The following CFAP46 variants were observed in gnomAD, a reference collection of about 807,000 sequenced individuals.
CFAP46 encodes the protein cilia and flagella associated protein 46.
In CFAP46, 245 loss-of-function variants were observed where a neutral mutation model predicts 325.7. That is an observed-to-expected ratio of 0.75 (90% CI 0.68 to 0.84). CFAP46 has a LOEUF of 0.84. Ranked by LOEUF, CFAP46 falls within the 40% of genes least tolerant of loss-of-function variation. The pLI is 0.00. For missense variants in CFAP46, 3,346 were observed against 3,543.0 expected (o/e 0.94, Z 1.41); for synonymous variants, 1,523 against 1,495.9 (o/e 1.02, Z -0.42).
rs1848458655 is a variant in CFAP46, at chr10:132,847,436, G to A, written c.5953-115C>T. 8 of 1,298,446 alleles carry A rather than the reference G, an allele frequency of 6.2e-6. No homozygotes were observed. Among genetic ancestry groups the A allele is most frequent in the Non-Finnish European group, 7.6e-6 (7 of 923,758 alleles). 80.4% of individuals were successfully genotyped at this position (1,298,446 alleles called of 1,614,324 possible). On this transcript the variant is annotated intron_variant, in intron 41 of 57. Coordinates refer to ENST00000368586, the MANE Select transcript of CFAP46 (RefSeq NM_001200049.3). This position sits in a 1 kb window ranked among gnomAD's most constrained non-coding sequence, Gnocchi z 5.2. ...GGCTCCTCAGCAGGGTCCCCGGGTA[G>A]GGGGTACCGCAGGCCACAGCATGGC...
rs761443917 is a variant in CFAP46, at chr10:132,885,774, C to T, written c.3443+47G>A. 481 of 1,410,692 alleles carry T rather than the reference C, an allele frequency of 3.4e-4. 2 individuals are homozygous for T. In the African/African-American group the frequency reaches 0.011, roughly 31 times the overall value. The allele number at this position is 1,410,692 out of a possible 1,614,324, so 87.4% of individuals were successfully genotyped here. A position where few individuals can be genotyped will look rare whatever the true frequency, so the allele number is the denominator to read the frequency against. On this transcript the variant is annotated intron_variant, in intron 26 of 57. Coordinates refer to ENST00000368586, the MANE Select transcript of CFAP46 (RefSeq NM_001200049.3). Reference sequence around the variant, plus strand: ...GCACTCACAGGCGGTGGGGGGAGCACTCAGGCGGTGGAGGGAGCACTCACA... The same window carrying T: ...GCACTCACAGGCGGTGGGGGGAGCATTCAGGCGGTGGAGGGAGCACTCACA...
At chr10:132,816,561 G>C (rs931021289) in intron 50 of CFAP46, among the ~76,000 whole-genome samples, 2 of 152,078 alleles carry the variant, frequency 1.3e-5, no homozygotes, top group African/African-American at 4.8e-5. Flanking sequence ...TCGATCTCCT[G>C]ACCTTGGGTG....
chr10:132,845,383 C>T (rs978754887), intron 44 of CFAP46, among the ~76,000 whole-genome samples: 1 of 152,196 alleles, frequency 6.6e-6, no homozygotes, highest in Non-Finnish European at 1.5e-5. Context: ...GTGCTCCTGT[C>T]AGCCAGTGGC....
intron 2 of CFAP46, 75 bp from the exon 3 acceptor site, chr10:132,941,797 G>A (rs1279980208): frequency 1.1e-5 from 17 of 1,588,676 alleles, no homozygotes; most frequent in Non-Finnish European, 1.4e-5. Flanking sequence ...CCACGGGCCC[G>A]CTTTCAGAAC....
At chr10:132,814,333 G>A in intron 53 of CFAP46, 79 bp from the exon 54 acceptor site, 2 of 1,255,358 alleles carry the variant, frequency 1.6e-6, no homozygotes, top group South Asian at 1.3e-5. Flanking sequence ...CCTGGGGAGG[G>A]GTCACAGCGA....
rs1847574332 is a variant in CFAP46, at chr10:132,811,151, A to G, written c.7502-120T>C. On this transcript the variant is annotated intron_variant, in intron 55 of 57. Transcript: ENST00000368586. The stretch of plus-strand genomic sequence containing the variant: ...GCAGGGCATGGCACGCTGGCCACTC[A>G]GCTCCGGGCTCCGACCTCATGACCG... The G allele has an allele frequency of 6.0e-6, 5 of 836,216 alleles. No homozygotes were observed. The Admixed American group carries it at 6.5e-5, about 11-fold the overall frequency. 51.8% of individuals were successfully genotyped at this position (836,216 alleles called of 1,614,324 possible).
chr10:132,812,962 T>A (rs972326891), intron 54 of CFAP46, 65 bp from the exon 55 acceptor site: 13 of 1,315,518 alleles, frequency 9.9e-6, no homozygotes, highest in Non-Finnish European at 1.4e-5. Context: ...CACCGTGCGT[T>A]CTTAAAGCAG....
At chr10:132,863,073 C>T (rs572681034) in intron 35 of CFAP46, among the ~76,000 whole-genome samples, 2 of 152,140 alleles carry the variant, frequency 1.3e-5, no homozygotes, top group Non-Finnish European at 2.9e-5. Flanking sequence ...AACCCACGTT[C>T]GCGGGAGTCC....
chr10:132,891,498 T>C (rs1209372945), intron 25 of CFAP46, among the ~76,000 whole-genome samples: 2 of 152,234 alleles, frequency 1.3e-5, no homozygotes, highest in Non-Finnish European at 2.9e-5. Context: ...GCATGACAGA[T>C]AGCAGGCCTG....
At position 132,885,898 on chromosome 10, in the gene CFAP46, G is replaced by A. The variant is rs760639471; in HGVS notation, c.3366C>T (p.Ala1122=). ...ALYGLLFHSH[A]DQDDWEGGLK... ...GGCCGCCCTCCCAGTCGTCCTGGTC[G>A]GCATGGCTGTGGAAGAGCAGGCCGT... is the stretch of plus-strand genomic sequence containing the variant. The change falls in exon 26 of 58, where the codon GCC becomes GCT. Residue 1122 remains alanine, a synonymous_variant. Transcript: ENST00000368586. 1.9e-5 allele frequency: 30 copies of A among 1,550,082 alleles called. No individual in the cohort carries two copies. The highest frequency in any genetic ancestry group is 2.4e-5 in the East Asian group (1 of 40,918).
At position 132,891,266 on chromosome 10, in the gene CFAP46, C is replaced by A. The variant is rs147877334; in HGVS notation, c.3304+1067G>T. On this transcript the variant is annotated intron_variant, in intron 25 of 57. Transcript: ENST00000368586. ...AGCCCCCCAACCGACTGAATGGGCC[C>A]TCCTCTCGGCCAAGGGCCTTCTGAA... 1.9e-4 allele frequency among the ~76,000 whole-genome samples: 29 copies of A among 152,344 alleles called. No individual in the cohort carries two copies. The South Asian group carries it at 6.0e-3, about 32-fold the overall frequency.
rs892958571 is a variant in CFAP46, at chr10:132,827,332, C to T, written c.7117+6026G>A. On this transcript the variant is annotated intron_variant, in intron 50 of 57. Transcript: ENST00000368586. The surrounding 1 kb of genome is among the most constrained non-coding windows in gnomAD (Gnocchi z 5.7). Reference sequence around the variant, plus strand: ...GACGGAGAACAGCTATAAGCTGCCACGCCGACTGCTGTGGGAGCTCCTGGG... The same window carrying T: ...GACGGAGAACAGCTATAAGCTGCCATGCCGACTGCTGTGGGAGCTCCTGGG... Among the ~76,000 whole-genome samples, 9 of 152,142 alleles carry T rather than the reference C, an allele frequency of 5.9e-5. No individual in the cohort carries two copies. Among genetic ancestry groups the T allele is most frequent in the Non-Finnish European group, 1.2e-4 (8 of 68,028 alleles).
chr10:132,874,949 A>G (rs1420188001), intron 31 of CFAP46, among the ~76,000 whole-genome samples: 1 of 152,248 alleles, frequency 6.6e-6, no homozygotes, highest in African/African-American at 2.4e-5. Context: ...AAAACAGTGT[A>G]AAGAGTGGAA....
intron 36 of CFAP46, 101 bp from the exon 37 acceptor site, chr10:132,860,624 A>G (rs543143994): frequency 2.6e-6 from 3 of 1,170,302 alleles, no homozygotes; most frequent in African/African-American, 3.1e-5. Context: ...GCCTGAGGAC[A>G]GGCGGGGGTA....
At chr10:132,826,393 A>C (rs1848052124) in intron 50 of CFAP46, among the ~76,000 whole-genome samples, 2 of 123,350 alleles carry the variant, frequency 1.6e-5, no homozygotes, top group South Asian at 2.8e-4. Flanking sequence ...AGCCACAGAG[A>C]CCAGCCATGG....
chr10:132,870,941 A>G (rs1848888952), intron 32 of CFAP46, among the ~76,000 whole-genome samples: 2 of 152,234 alleles, frequency 1.3e-5, no homozygotes, highest in Non-Finnish European at 2.9e-5. Flanking sequence ...AAGAAAAGTC[A>G]ATGCCTGGCT....
At chr10:132,867,644 T>A (rs1848836219) in intron 33 of CFAP46, 137 bp from the exon 34 acceptor site, 2 of 1,176,570 alleles carry the variant, frequency 1.7e-6, no homozygotes, top group South Asian at 3.3e-5. Context: ...TTTTTAAAAA[T>A]CCTCAGGATC....
At chr10:132,890,546 C>T (rs368543173) in intron 25 of CFAP46, among the ~76,000 whole-genome samples, 1 of 152,138 alleles carries the variant, frequency 6.6e-6, no homozygotes, top group African/African-American at 2.4e-5. Context: ...GAGTCCCCCC[C>T]AGAGGAGCGG....
chr10:132,861,282 G>A (rs866815802), intron 35 of CFAP46, among the ~76,000 whole-genome samples: 16 of 152,206 alleles, frequency 1.1e-4, no homozygotes, highest in Admixed American at 6.5e-4. Context: ...CAGCTGCAGC[G>A]CGCATGACTG....
Sources: gnomAD v4.1 joint callset for allele counts (sites outside exome capture counted in the v4.1 genomes callset) on GRCh38, gnomAD v4.1.1 for gene constraint, Gnocchi (gnomAD v3.1) non-coding constraint, MANE v1.5 for transcripts, NCBI Gene and HGNC (gene_info 2026-07-23, HGNC 2026-07-21) for gene names.